Variants in CDS2 observed in about 807,000 individuals in gnomAD.
CDS2 encodes CDP-diacylglycerol synthase 2, also known as phosphatidate cytidylyltransferase 2.
In CDS2, 47 loss-of-function variants were observed where a neutral mutation model predicts 59.0. That is an observed-to-expected ratio of 0.80 (90% confidence interval 0.63 to 1.02). The LOEUF (loss-of-function observed/expected upper bound fraction) is 1.02. CDS2 is among the 50% of genes least tolerant of loss of function. The probability of loss-of-function intolerance (pLI) is 0.00; values close to 1 mark genes in which losing one functional copy is unlikely to be tolerated. For synonymous variants in CDS2, 207 were observed against 206.4 expected, an observed-to-expected ratio of 1.00 and a Z score of -0.02; for missense variants, 356 against 558.9, an observed-to-expected ratio of 0.64 and a Z score of 3.66.
intron 1 of CDS2, among the ~76,000 whole-genome samples, chr20:5,150,140 C>A (rs1360344429): frequency 1.3e-5 from 2 of 152,138 alleles, no homozygotes; most frequent in Non-Finnish European, 2.9e-5. Flanking sequence ...AAAAACGATC[C>A]ATTTTTCAAA....
intron 1 of CDS2, among the ~76,000 whole-genome samples, chr20:5,171,718 A>G (rs148979304): frequency 2.4e-4 from 37 of 152,254 alleles, no homozygotes; most frequent in African/African-American, 8.7e-4. Context: ...GAGTTTGGTT[A>G]TGTCGCTTCA....
Position 5,185,000 on chromosome 20 carries a change from A to C in CDS2, c.759+55A>C. 2 of 1,251,938 alleles carry C rather than the reference A, an allele frequency of 1.6e-6. No individual in the cohort carries two copies. The highest frequency in any genetic ancestry group is 2.4e-6 in the Non-Finnish European group (2 of 849,704). 77.6% of individuals were successfully genotyped at this position (1,251,938 alleles called of 1,614,324 possible). ...ACTGTGAGGGGAGGGTGGTGCTCTC[A>C]ATGTGAGTAGATCAGCCTGGCAGAC... On this transcript the variant is annotated intron_variant, in intron 8 of 12. Transcript: ENST00000460006. This position sits in a 1 kb window ranked among gnomAD's most constrained non-coding sequence, Gnocchi z 4.3.
In CDS2 at chr20:5,172,801, T is replaced by G. The variant is rs768786823; in HGVS notation, c.58-722T>G. On this transcript the variant is annotated intron_variant, in intron 1 of 12. Coordinates refer to ENST00000460006, the MANE Select transcript of CDS2 (RefSeq NM_003818.4). ...CCTATGAAAGAAAATACTTGAGTGGTAGGATGGTTCCTAGGATTCAGAATA... is the reference window on the plus strand; with the variant it reads ...CCTATGAAAGAAAATACTTGAGTGGGAGGATGGTTCCTAGGATTCAGAATA... 2.0e-5 allele frequency among the ~76,000 whole-genome samples: 3 copies of G among 152,238 alleles called. No individual in the cohort carries two copies. The East Asian group carries it at 5.8e-4, about 29-fold the overall frequency.
At chr20:5,183,214 G>A in intron 7 of CDS2, 71 bp downstream of exon 7, 1 of 1,292,796 alleles carries the variant, frequency 7.7e-7, no homozygotes, top group Non-Finnish European at 1.1e-6. Flanking sequence ...CCCCCTCTAA[G>A]CCAGTGGCCC....
At chr20:5,168,429 AAAAAG>A (rs1568538265) in intron 1 of CDS2, among the ~76,000 whole-genome samples, 7 of 134,352 alleles carry the variant, frequency 5.2e-5, no homozygotes, top group Admixed American at 2.2e-4. Context: ...AAAAAAAAAA[AAAAAG>A]AAAAGAAAAA....
intron 1 of CDS2, among the ~76,000 whole-genome samples, chr20:5,163,445 G>A (rs1186504272): frequency 1.3e-5 from 2 of 152,078 alleles, no homozygotes; most frequent in African/African-American, 4.8e-5. Flanking sequence ...GTTTTTAGTA[G>A]AGACAGGGTT....
In CDS2 at chr20:5,196,111, A is replaced by G. The variant is rs1489744634; in HGVS notation, c.*5877A>G. ...GGGTATTAGTGGGACCCAACAGCACATTGCTATTAATAGTATGGAAATAAT... is the reference window on the plus strand; with the variant it reads ...GGGTATTAGTGGGACCCAACAGCACGTTGCTATTAATAGTATGGAAATAAT... On this transcript the variant is annotated 3_prime_UTR_variant, in exon 13 of 13. Coordinates refer to ENST00000460006, the MANE Select transcript of CDS2 (RefSeq NM_003818.4). 1.3e-5 allele frequency: 2 copies of G among 152,138 alleles called. No individual in the cohort carries two copies. Among genetic ancestry groups the G allele is most frequent in the African/African-American group, 4.8e-5 (2 of 41,418 alleles). 9.4% of individuals were successfully genotyped at this position (152,138 alleles called of 1,614,324 possible). A position where few individuals can be genotyped will look rare whatever the true frequency, so the allele number is the denominator to read the frequency against.
rs904240725 is a variant in CDS2 at position 5,127,065 on chromosome 20, G to A, written c.-28G>A. On this transcript the variant is annotated 5_prime_UTR_variant, in exon 1 of 13. Coordinates refer to ENST00000460006, the MANE Select transcript of CDS2 (RefSeq NM_003818.4). ...GCTCCGGCGGCTTCGCTGCTAGCTC[G>A]CGGCGACGTCGGGCCGATTTTCCCA... 3 of 1,487,104 alleles carry A rather than the reference G, an allele frequency of 2.0e-6. No homozygotes were observed. The highest frequency in any genetic ancestry group is 2.7e-6 in the Non-Finnish European group (3 of 1,118,824). 92.1% of individuals were successfully genotyped at this position (1,487,104 alleles called of 1,614,324 possible).
At position 5,186,691 on chromosome 20, in the gene CDS2, C is replaced by G. The variant is rs778266222; in HGVS notation, c.833C>G (p.Ser278Cys). Residue 278 changes from serine to cysteine, a missense_variant, in exon 10 of 13, where the codon TCC becomes TGC. By Grantham distance (112) the Ser-to-Cys change is moderately radical. Transcript: ENST00000460006. Reference protein sequence around the residue: ...FATVVFGLLLSYVMSGYRCFV... With the variant: ...FATVVFGLLLCYVMSGYRCFV... ...CTCTCTGTTATTCCTCCTCAGCTGT[C>G]CTATGTGATGTCCGGGTACAGATGC... is the stretch of plus-strand genomic sequence containing the variant. 3.7e-6 allele frequency: 6 copies of G among 1,614,042 alleles called. No individual in the cohort carries two copies. The highest frequency in any genetic ancestry group is 5.1e-6 in the Non-Finnish European group (6 of 1,179,964).
chr20:5,170,715 T>C (rs1223710228), intron 1 of CDS2, among the ~76,000 whole-genome samples: 2 of 152,266 alleles, frequency 1.3e-5, no homozygotes, highest in East Asian at 1.9e-4. Flanking sequence ...AACCTGGAGT[T>C]ACTCACTTAA....
chr20:5,154,020 C>T (rs966228762), intron 1 of CDS2, among the ~76,000 whole-genome samples: 1 of 152,156 alleles, frequency 6.6e-6, no homozygotes, highest in African/African-American at 2.4e-5. Context: ...CTGTGCTGAC[C>T]TGCAGTTCCT....
rs2091142644 is a variant in CDS2 at position 5,194,576 on chromosome 20, G to T, written c.*4342G>T. On this transcript the variant is annotated 3_prime_UTR_variant, in exon 13 of 13. Coordinates refer to ENST00000460006, the MANE Select transcript of CDS2 (RefSeq NM_003818.4). ...TAAGGCTGTCACCTGTTTGTATAGG[G>T]ACCATGTTTCCCAACGCACTTTGAG... 6.6e-6 allele frequency: 1 copy of T among 152,236 alleles called. No individual in the cohort carries two copies. The highest frequency in any genetic ancestry group is 2.1e-4 in the South Asian group (1 of 4,830). The allele number at this position is 152,236 out of a possible 1,614,324, so 9.4% of individuals were successfully genotyped here. A position where few individuals can be genotyped will look rare whatever the true frequency, so the allele number is the denominator to read the frequency against.
Position 5,127,048 on chromosome 20 carries a change from G to T in CDS2, c.-45G>T. On this transcript the variant is annotated 5_prime_UTR_variant, in exon 1 of 13. Transcript: ENST00000460006. ...CCCGCGCCGAGCTGCCTGCTCCGGC[G>T]GCTTCGCTGCTAGCTCGCGGCGACG... 1.4e-6 allele frequency: 2 copies of T among 1,478,536 alleles called. No homozygotes were observed. Among genetic ancestry groups the T allele is most frequent in the Non-Finnish European group, 9.0e-7 (1 of 1,112,794 alleles). The allele number at this position is 1,478,536 out of a possible 1,614,324, so 91.6% of individuals were successfully genotyped here. A position where few individuals can be genotyped will look rare whatever the true frequency, so the allele number is the denominator to read the frequency against.
chr20:5,127,430 G>C (rs2090563631), intron 1 of CDS2, among the ~76,000 whole-genome samples: 1 of 152,196 alleles, frequency 6.6e-6, no homozygotes, highest in African/African-American at 2.4e-5. Context: ...TGCCTCGCTG[G>C]GCTGGCTGCG....
intron 5 of CDS2, among the ~76,000 whole-genome samples, chr20:5,179,741 C>G (rs1031011909): frequency 6.6e-6 from 1 of 152,186 alleles, no homozygotes; most frequent in Non-Finnish European, 1.5e-5. Flanking sequence ...TAATCTAGAG[C>G]TAAAACTGCA....
chr20:5,190,397 A>G lies in CDS2; in HGVS notation c.*163A>G, dbSNP rs559255841. 6.3e-5 allele frequency: 39 copies of G among 621,652 alleles called. No individual in the cohort carries two copies. The East Asian group carries it at 1.0e-3, about 16-fold the overall frequency. 38.5% of individuals were successfully genotyped at this position (621,652 alleles called of 1,614,324 possible). Reference sequence around the variant, plus strand: ...ATTTGTGGGTTCAAAAAATCTGTATATACAGTCTATGTGTTTAGAATTTGT... The same window carrying G: ...ATTTGTGGGTTCAAAAAATCTGTATGTACAGTCTATGTGTTTAGAATTTGT... On this transcript the variant is annotated 3_prime_UTR_variant, in exon 13 of 13. Coordinates refer to ENST00000460006, the MANE Select transcript of CDS2 (RefSeq NM_003818.4).
intron 1 of CDS2, among the ~76,000 whole-genome samples, chr20:5,154,804 C>T (rs1279467924): frequency 1.3e-5 from 2 of 152,178 alleles, no homozygotes; most frequent in Non-Finnish European, 2.9e-5. Flanking sequence ...CGTGCCACTA[C>T]ACTCATTTAA....
At chr20:5,178,653 A>G (rs989513193) in intron 4 of CDS2, among the ~76,000 whole-genome samples, 164 bp from the exon 5 acceptor site, 3 of 152,192 alleles carry the variant, frequency 2.0e-5, no homozygotes, top group African/African-American at 4.8e-5. Context: ...CGGTGTCACC[A>G]GAGAGCAGGA....
rs548845732 is a variant in CDS2 at position 5,180,184 on chromosome 20, G to A, written c.529+1228G>A. Among the ~76,000 whole-genome samples the A allele has an allele frequency of 3.3e-5, 5 of 152,256 alleles. No individual in the cohort carries two copies. In the East Asian group the frequency reaches 5.8e-4, roughly 18 times the overall value. ...TTCCTTCCTGGAGAAGGGGTCTGCG[G>A]ACATGTTGTGCTACCATCTAGGTCA... On this transcript the variant is annotated intron_variant, in intron 5 of 12. Coordinates refer to ENST00000460006, the MANE Select transcript of CDS2 (RefSeq NM_003818.4).
Sources: allele counts gnomAD v4.1 joint callset (sites outside exome capture counted in the v4.1 genomes callset), GRCh38; gene constraint gnomAD v4.1.1; non-coding constraint Gnocchi (gnomAD v3.1); transcripts MANE v1.5; gene names NCBI Gene and HGNC (gene_info 2026-07-23, HGNC 2026-07-21).